Variants in CARMIL1 observed in about 807,000 individuals in gnomAD.
CARMIL1 encodes F-actin-uncapping protein LRRC16A.
Under a neutral mutation model 177.1 loss-of-function variants are expected in CARMIL1, and 90 were observed. That is an observed-to-expected ratio of 0.51 (90% CI 0.43 to 0.61). The LOEUF (loss-of-function observed/expected upper bound fraction) is 0.61, where lower values mean the gene tolerates loss of function less well. Among genes scored for constraint, CARMIL1 ranks in the 20% least tolerant of loss-of-function variants. The probability of loss-of-function intolerance (pLI) is 0.00; values close to 1 mark genes in which losing one functional copy is unlikely to be tolerated. For synonymous variants in CARMIL1, 577 were observed against 606.2 expected (o/e 0.95, Z 0.71); for missense variants, 1,380 against 1,667.0 (o/e 0.83, Z 3.00).
At chr6:25,480,845 G>A (rs1384480171) in intron 11 of CARMIL1, among the ~76,000 whole-genome samples, 4 of 146,202 alleles carry the variant, frequency 2.7e-5, no homozygotes, top group Admixed American at 7.0e-5. Flanking sequence ...CTCAGCCTCC[G>A]GAGTAGTTGG....
rs538999560 is a variant in CARMIL1 at position 25,359,781 on chromosome 6, A to G, written c.139-60333A>G. 1.4e-3 allele frequency among the ~76,000 whole-genome samples: 211 copies of G among 152,268 alleles called. 2 individuals are homozygous for G. Among genetic ancestry groups the G allele is most frequent in the Middle Eastern group, 0.014 (4 of 294 alleles). ...CATTTTTCTCATTTCTGAATCCATG[A>G]GTCTGGCTTTTCCCTTAGGGTATTT... On this transcript the variant is annotated intron_variant, in intron 2 of 36. Coordinates refer to ENST00000329474, the MANE Select transcript of CARMIL1 (RefSeq NM_017640.6).
At chr6:25,496,175 G>A (rs1048881215) in intron 16 of CARMIL1, among the ~76,000 whole-genome samples, 2 of 152,094 alleles carry the variant, frequency 1.3e-5, no homozygotes, top group African/African-American at 4.8e-5. Flanking sequence ...AACAATGGAT[G>A]CCTTTAAAAA....
intron 2 of CARMIL1, among the ~76,000 whole-genome samples, chr6:25,309,571 C>A (rs1022613658): frequency 6.6e-6 from 1 of 151,228 alleles, no homozygotes; most frequent in African/African-American, 2.4e-5. Context: ...AACAGCTAGT[C>A]TACTTTCTGT....
chr6:25,459,701 T>G (rs1424050509), intron 8 of CARMIL1, among the ~76,000 whole-genome samples: 1 of 152,230 alleles, frequency 6.6e-6, no homozygotes, highest in East Asian at 1.9e-4. Flanking sequence ...GAAATGATTG[T>G]GCCACGTGGC....
At chr6:25,337,517 A>C (rs1786384659) in intron 2 of CARMIL1, among the ~76,000 whole-genome samples, 1 of 152,226 alleles carries the variant, frequency 6.6e-6, no homozygotes, top group Non-Finnish European at 1.5e-5. Flanking sequence ...TTGTCTTGTC[A>C]CACAATGGTG....
Position 25,390,320 on chromosome 6 carries a change from ATTTTT to A in CARMIL1, c.139-29779_139-29775del, listed in dbSNP as rs1287414586. Reference sequence around the variant, plus strand: ...TATATATATATATATATATATATATATTTTTTTTTTTTTTTTTTTGAGACAGGGTC... The same window carrying A: ...TATATATATATATATATATATATATATTTTTTTTTTTTTTGAGACAGGGTC... On this transcript the variant is annotated intron_variant, in intron 2 of 36. Coordinates refer to ENST00000329474, the MANE Select transcript of CARMIL1 (RefSeq NM_017640.6). Among the ~76,000 whole-genome samples, 16 of 58,104 alleles carry A rather than the reference ATTTTT, an allele frequency of 2.8e-4. 1 individual carries two copies. Among genetic ancestry groups the A allele is most frequent in the African/African-American group, 8.7e-4 (14 of 16,178 alleles). 38.1% of individuals were successfully genotyped at this position (58,104 alleles called of 152,430 possible). A position where few individuals can be genotyped will look rare whatever the true frequency, so the allele number is the denominator to read the frequency against.
intron 5 of CARMIL1, among the ~76,000 whole-genome samples, chr6:25,443,878 A>T (rs1324052758): frequency 6.6e-6 from 1 of 151,600 alleles, no homozygotes; most frequent in African/African-American, 2.4e-5. Context: ...ATCTCGGCTC[A>T]CTGCAACCTC....
intron 2 of CARMIL1, among the ~76,000 whole-genome samples, chr6:25,289,001 T>G (rs1781738641): frequency 6.6e-6 from 1 of 152,154 alleles, no homozygotes; most frequent in African/African-American, 2.4e-5. Flanking sequence ...AGTATGCTGT[T>G]TTTTCCAAAC....
chr6:25,505,351 A>G (rs1044603614), intron 17 of CARMIL1, among the ~76,000 whole-genome samples: 2 of 152,184 alleles, frequency 1.3e-5, no homozygotes, highest in Non-Finnish European at 2.9e-5. Context: ...GGTTAGTTCT[A>G]AAGAGCTTCA....
In CARMIL1 at chr6:25,284,725, A is replaced by G. The variant is rs1008804533; in HGVS notation, c.41-87A>G. On this transcript the variant is annotated intron_variant, in intron 1 of 36. Coordinates refer to ENST00000329474, the MANE Select transcript of CARMIL1 (RefSeq NM_017640.6). ...CTCTGTCTCAAAAGACAACAACAGT[A>G]AAAACAACCAAATATACTCCTCCAA... The G allele has an allele frequency of 5.3e-6, 4 of 757,594 alleles. No individual in the cohort carries two copies. The African/African-American group carries it at 7.1e-5, about 13-fold the overall frequency. 46.9% of individuals were successfully genotyped at this position (757,594 alleles called of 1,614,324 possible). A position where few individuals can be genotyped will look rare whatever the true frequency, so the allele number is the denominator to read the frequency against.
At chr6:25,451,906 A>C in intron 8 of CARMIL1, 25 of 541,962 alleles carry the variant, frequency 4.6e-5, no homozygotes, top group Non-Finnish European at 5.0e-5. Flanking sequence ...GATTCCAGCT[A>C]TATCATTTGT....
At chr6:25,321,412 GC>G (rs775061633) in intron 2 of CARMIL1, among the ~76,000 whole-genome samples, 8 of 152,148 alleles carry the variant, frequency 5.3e-5, no homozygotes, top group Non-Finnish European at 1.2e-4. Flanking sequence ...GTCTGATCCA[GC>G]CTTGAGGAGA....
chr6:25,555,480 A>C (rs1810522658), intron 28 of CARMIL1, among the ~76,000 whole-genome samples: 1 of 152,154 alleles, frequency 6.6e-6, no homozygotes. Context: ...GGCTCACTGC[A>C]ACCTCTGCCC....
Position 25,619,668 on chromosome 6 carries a change from G to A in CARMIL1, c.*85G>A. 7.2e-7 allele frequency: 1 copy of A among 1,394,920 alleles called. No homozygotes were observed. The highest frequency in any genetic ancestry group is 9.6e-7 in the Non-Finnish European group (1 of 1,046,950). 86.4% of individuals were successfully genotyped at this position (1,394,920 alleles called of 1,614,324 possible). A position where few individuals can be genotyped will look rare whatever the true frequency, so the allele number is the denominator to read the frequency against. ...CAAGGGCAACATCTTTTCTTCCCAG[G>A]CGTTCTTCTCTGGGTGCTTTATTCT... On this transcript the variant is annotated 3_prime_UTR_variant, in exon 37 of 37. Transcript: ENST00000329474.
At chr6:25,333,129 A>G (rs1785863980) in intron 2 of CARMIL1, among the ~76,000 whole-genome samples, 1 of 152,212 alleles carries the variant, frequency 6.6e-6, no homozygotes, top group Non-Finnish European at 1.5e-5. Flanking sequence ...GAAATGTGGA[A>G]AGTCCCCTCC....
chr6:25,324,590 G>T (rs1397539869), intron 2 of CARMIL1, among the ~76,000 whole-genome samples: 1 of 152,120 alleles, frequency 6.6e-6, no homozygotes, highest in African/African-American at 2.4e-5. Context: ...CTTCATTTAT[G>T]TAACAAAATA....
At chr6:25,446,256 A>G (rs747536592) in intron 5 of CARMIL1, among the ~76,000 whole-genome samples, 2 of 152,236 alleles carry the variant, frequency 1.3e-5, no homozygotes, top group Non-Finnish European at 2.9e-5. Flanking sequence ...TAGCTAAGAA[A>G]GTGCTAGATG....
At chr6:25,428,859 G>T (rs1796491198) in intron 4 of CARMIL1, among the ~76,000 whole-genome samples, 1 of 151,910 alleles carries the variant, frequency 6.6e-6, no homozygotes, top group African/African-American at 2.4e-5. Flanking sequence ...ATTGATTTTT[G>T]CATATTGACC....
chr6:25,435,115 A>C (rs1446919681), intron 4 of CARMIL1, among the ~76,000 whole-genome samples: 2 of 152,198 alleles, frequency 1.3e-5, no homozygotes, highest in African/African-American at 4.8e-5. Flanking sequence ...TTCAGTCTCT[A>C]TCATATGGGA....
Sources: allele counts gnomAD v4.1 joint callset (sites outside exome capture counted in the v4.1 genomes callset), GRCh38; gene constraint gnomAD v4.1.1; transcripts MANE v1.5; gene names NCBI Gene and HGNC (gene_info 2026-07-23, HGNC 2026-07-21).